Variants in KHDRBS2 observed in about 807,000 individuals in gnomAD.
KHDRBS2 encodes the protein KH domain-containing, RNA-binding, signal transduction-associated protein 2.
Under a neutral mutation model 44.3 loss-of-function variants are expected in KHDRBS2, and 26 were observed. The ratio of observed to expected loss-of-function variants is 0.59; its 90% CI spans 0.43 to 0.81. The LOEUF is 0.81. KHDRBS2 is among the 40% of genes least tolerant of loss of function. The pLI is 0.00. For missense variants in KHDRBS2, 476 were observed against 433.1 expected (o/e 1.10, Z -0.88); for synonymous variants, 194 against 151.1 (o/e 1.28, Z -2.08).
At chr6:61,809,938 C>T (rs893438912) in intron 6 of KHDRBS2, among the ~76,000 whole-genome samples, 3 of 152,166 alleles carry the variant, frequency 2.0e-5, no homozygotes, top group African/African-American at 7.2e-5. Context: ...AAATATATCG[C>T]TTTTAGCAGT....
chr6:61,925,282 A>G (rs1808747361), intron 4 of KHDRBS2, among the ~76,000 whole-genome samples: 1 of 152,208 alleles, frequency 6.6e-6, no homozygotes, highest in Non-Finnish European at 1.5e-5. Context: ...TGCTATATGT[A>G]CAATCCTCAC....
intron 2 of KHDRBS2, among the ~76,000 whole-genome samples, chr6:62,111,542 A>G (rs1804985214): frequency 6.6e-6 from 1 of 152,090 alleles, no homozygotes; most frequent in Non-Finnish European, 1.5e-5. Flanking sequence ...GGTAAGTTAG[A>G]TGATTTATTA....
chr6:61,569,129 G>A, the KHDRBS2 span, among the ~76,000 whole-genome samples: 2 of 152,020 alleles, frequency 1.3e-5, no homozygotes, highest in Non-Finnish European at 2.9e-5. Context: ...CTCGCTACTG[G>A]CTATCCCTCA....
intron 1 of KHDRBS2, among the ~76,000 whole-genome samples, chr6:62,215,176 A>G (rs761356531): frequency 1.3e-5 from 2 of 151,920 alleles, no homozygotes; most frequent in Non-Finnish European, 2.9e-5. Context: ...TGTAAAAGAA[A>G]CTAAAAAAAT....
intron 7 of KHDRBS2, among the ~76,000 whole-genome samples, chr6:61,726,315 C>G (rs765801303): frequency 2.6e-5 from 4 of 152,108 alleles, no homozygotes; most frequent in Non-Finnish European, 5.9e-5. Context: ...CAGCTAATAT[C>G]ATACTAAATG....
At chr6:61,773,897 G>T (rs2127578037) in intron 6 of KHDRBS2, among the ~76,000 whole-genome samples, 1 of 151,454 alleles carries the variant, frequency 6.6e-6, no homozygotes, top group African/African-American at 2.4e-5. Flanking sequence ...TTATTAAATA[G>T]GGAATCCTTT....
intron 3 of KHDRBS2, among the ~76,000 whole-genome samples, chr6:62,041,853 G>A (rs1284794330): frequency 6.6e-6 from 1 of 152,022 alleles, no homozygotes; most frequent in Non-Finnish European, 1.5e-5. Context: ...TGAAGCTTAT[G>A]AAGAACTTGA....
chr6:61,866,645 C>T (rs540223332), intron 6 of KHDRBS2, among the ~76,000 whole-genome samples: 75 of 152,286 alleles, frequency 4.9e-4, no homozygotes, highest in African/African-American at 1.8e-3. Flanking sequence ...CAGGTTGCAA[C>T]TTTTGTGAAT....
chr6:61,777,152 G>C (rs1475064816), intron 6 of KHDRBS2, among the ~76,000 whole-genome samples: 1 of 151,968 alleles, frequency 6.6e-6, no homozygotes, highest in African/African-American at 2.4e-5. Context: ...GTGGGGGAAG[G>C]GGGGACGGGT....
rs140892133 is a variant in KHDRBS2 at position 62,110,891 on chromosome 6, T to C, written c.220-62897A>G. 4.7e-3 allele frequency among the ~76,000 whole-genome samples: 713 copies of C among 152,186 alleles called. 8 individuals carry two copies. Among genetic ancestry groups the C allele is most frequent in the African/African-American group, 0.016 (677 of 41,548 alleles). On this transcript the variant is annotated intron_variant, in intron 2 of 8. Transcript: ENST00000281156. ...TGTAATTTCAGCTCAATAAAGCTGT[T>C]AAATTAAAAAAAAGTAAAGTGGTAA... is the stretch of plus-strand genomic sequence containing the variant.
chr6:61,577,159 A>T, the KHDRBS2 span, among the ~76,000 whole-genome samples: 1 of 150,754 alleles, frequency 6.6e-6, no homozygotes, highest in African/African-American at 2.4e-5. Context: ...TTTTTTAACC[A>T]TCAAGTTTTC....
At chr6:61,558,477 G>A in the KHDRBS2 span, among the ~76,000 whole-genome samples, 2 of 152,106 alleles carry the variant, frequency 1.3e-5, no homozygotes, top group Non-Finnish European at 2.9e-5. Context: ...TAGGAGGATA[G>A]CTTGAGCCCA....
chr6:62,165,376 G>A (rs1818471504), intron 2 of KHDRBS2, among the ~76,000 whole-genome samples: 1 of 147,384 alleles, frequency 6.8e-6, no homozygotes, highest in Non-Finnish European at 1.5e-5. Context: ...TGTCTTACTG[G>A]TTATCTCTCT....
chr6:61,904,814 C>A (rs1454641466), intron 4 of KHDRBS2, among the ~76,000 whole-genome samples: 1 of 152,038 alleles, frequency 6.6e-6, no homozygotes, highest in Non-Finnish European at 1.5e-5. Context: ...CTTTTTTTGT[C>A]ACAAGAAGAT....
chr6:61,778,537 G>A (rs1782453284), intron 6 of KHDRBS2, among the ~76,000 whole-genome samples: 1 of 151,980 alleles, frequency 6.6e-6, no homozygotes, highest in Non-Finnish European at 1.5e-5. Context: ...AAATAAAATG[G>A]GCAGTTAAAA....
At chr6:61,843,873 G>A (rs1225972107) in intron 6 of KHDRBS2, among the ~76,000 whole-genome samples, 2 of 151,960 alleles carry the variant, frequency 1.3e-5, no homozygotes, top group Non-Finnish European at 2.9e-5. Flanking sequence ...ATTATCATTT[G>A]ATCTATTATA....
the KHDRBS2 span, among the ~76,000 whole-genome samples, chr6:61,544,006 A>T: frequency 6.6e-6 from 1 of 152,080 alleles, no homozygotes; most frequent in Non-Finnish European, 1.5e-5. Context: ...TACAAAAAAA[A>T]GTAGTTGGAA....
the KHDRBS2 span, among the ~76,000 whole-genome samples, chr6:61,599,080 C>A: frequency 0.024 from 3,710 of 151,864 alleles, 70 homozygotes; most frequent in Middle Eastern, 0.085. Context: ...ATTACAGGTG[C>A]CTGCCACCAC....
intron 6 of KHDRBS2, among the ~76,000 whole-genome samples, chr6:61,812,293 A>C (rs1288389244): frequency 6.6e-6 from 1 of 152,022 alleles, no homozygotes; most frequent in Non-Finnish European, 1.5e-5. Flanking sequence ...GTTCATTAAT[A>C]AAAAGTGTAC....
Sources: allele counts gnomAD v4.1 joint callset (sites outside exome capture counted in the v4.1 genomes callset), GRCh38; gene constraint gnomAD v4.1.1; transcripts MANE v1.5; gene names NCBI Gene and HGNC (gene_info 2026-07-23, HGNC 2026-07-21).